The following KDM3A variants were observed in gnomAD, a reference collection of about 807,000 sequenced individuals.
KDM3A encodes the protein lysine-specific demethylase 3A.
KDM3A carries 60 observed loss-of-function variants against 158.0 expected under a neutral mutation model. The ratio of observed to expected loss-of-function variants is 0.38; its 90% CI spans 0.31 to 0.47. The LOEUF is 0.47. Among genes scored for constraint, KDM3A ranks in the 20% least tolerant of loss-of-function variants. The pLI is 0.99. For missense variants in KDM3A, 1,319 were observed against 1,574.3 expected (o/e 0.84, Z 2.74); for synonymous variants, 608 against 549.3 (o/e 1.11, Z -1.49).
rs79246798 is a variant in KDM3A, at chr2:86,477,806, C to T, written c.1940-71C>T. The stretch of plus-strand genomic sequence containing the variant: ...TAGTCACAGGGAGGAATGACAATAA[C>T]CCCTACCTTTCGTTTTTGGTTTCAG... On this transcript the variant is annotated intron_variant, in intron 12 of 25. Coordinates refer to ENST00000312912, the MANE Select transcript of KDM3A (RefSeq NM_018433.6). 450 of 1,422,044 alleles carry T rather than the reference C, an allele frequency of 3.2e-4. 4 individuals carry two copies. In the East Asian group the frequency reaches 9.6e-3, roughly 30 times the overall value. 88.1% of individuals were successfully genotyped at this position (1,422,044 alleles called of 1,614,324 possible).
chr2:86,477,777 AGTC>A (rs1673726898), intron 12 of KDM3A, 97 bp from the exon 13 acceptor site: 1 of 1,126,096 alleles, frequency 8.9e-7, no homozygotes, highest in Admixed American at 2.4e-5. Context: ...GTTAATTTGA[AGTC>A]TAGTCACAGG....
chr2:86,444,874 G>A (rs536323967), intron 2 of KDM3A, among the ~76,000 whole-genome samples: 2 of 152,274 alleles, frequency 1.3e-5, no homozygotes, highest in South Asian at 4.1e-4. Context: ...AAGAGAATAT[G>A]TCTAGTAGTT....
chr2:86,480,836 C>T (rs887068888), intron 16 of KDM3A, among the ~76,000 whole-genome samples: 2 of 152,126 alleles, frequency 1.3e-5, no homozygotes, highest in Non-Finnish European at 2.9e-5. Flanking sequence ...TTATACATAC[C>T]TTAGAAAGAG....
chr2:86,477,026 T>G (rs1276662356), intron 12 of KDM3A, among the ~76,000 whole-genome samples: 1 of 152,228 alleles, frequency 6.6e-6, no homozygotes, highest in African/African-American at 2.4e-5. Flanking sequence ...CCTTTGCTCA[T>G]ACTTCTGAAA....
At position 86,459,877 on chromosome 2, in the gene KDM3A, A is replaced by G. The variant is rs75889941; in HGVS notation, c.843+2806A>G. 3.1e-3 allele frequency among the ~76,000 whole-genome samples: 475 copies of G among 152,280 alleles called. 1 individual carries two copies. Among genetic ancestry groups the G allele is most frequent in the Middle Eastern group, 0.01 (3 of 294 alleles). On this transcript the variant is annotated intron_variant, in intron 8 of 25. Transcript: ENST00000312912. ...TAAGCCTGCACTTCAGCCTGGAGATAAGTTTCTTAACTTCTGCATCTAATA... is the reference window on the plus strand; with the variant it reads ...TAAGCCTGCACTTCAGCCTGGAGATGAGTTTCTTAACTTCTGCATCTAATA...
At chr2:86,460,362 A>G (rs1672876894) in intron 8 of KDM3A, among the ~76,000 whole-genome samples, 1 of 152,154 alleles carries the variant, frequency 6.6e-6, no homozygotes, top group African/African-American at 2.4e-5. Context: ...TTTTGGATAC[A>G]CTGGCCTGGC....
chr2:86,464,884 G>C (rs1340103645), intron 9 of KDM3A, among the ~76,000 whole-genome samples: 1 of 152,214 alleles, frequency 6.6e-6, no homozygotes, highest in Non-Finnish European at 1.5e-5. Flanking sequence ...AGAAAAGTAG[G>C]TTTGGAAGGT....
At chr2:86,475,083 C>T in intron 12 of KDM3A, 93 bp downstream of exon 12, 1 of 1,004,916 alleles carries the variant, frequency 1.0e-6, no homozygotes, top group Non-Finnish European at 1.5e-6. Flanking sequence ...GGTTTTTTTT[C>T]ACCCAGAAGT....
chr2:86,471,913 G>A (rs953211663), intron 11 of KDM3A, among the ~76,000 whole-genome samples: 6 of 152,068 alleles, frequency 3.9e-5, no homozygotes, highest in Non-Finnish European at 5.9e-5. Context: ...CCTTCCTCTC[G>A]AGAATTTTCT....
intron 21 of KDM3A, 80 bp downstream of exon 21, chr2:86,485,939 G>A (rs1484222401): frequency 4.8e-6 from 7 of 1,470,242 alleles, no homozygotes; most frequent in Non-Finnish European, 6.6e-6. Context: ...GGGAGGGAGA[G>A]GTGGAAAACA....
intron 11 of KDM3A, 53 bp from the exon 12 acceptor site, chr2:86,474,723 G>GTA: frequency 2.5e-6 from 2 of 790,646 alleles, no homozygotes; most frequent in Non-Finnish European, 4.4e-6. Context: ...GTGTGTGTGT[G>GTA]TGTGTGTGTG....
chr2:86,487,918 C>T (rs1243573911), intron 21 of KDM3A: 2 of 152,276 alleles, frequency 1.3e-5, no homozygotes, highest in African/African-American at 2.4e-5. Flanking sequence ...GTGGCACTGG[C>T]TGGATCAGCA....
At position 86,480,298 on chromosome 2, in the gene KDM3A, C is replaced by G; in HGVS notation, c.2448C>G (p.Ala816=). The G allele has an allele frequency of 8.1e-6, 13 of 1,614,122 alleles. No individual in the cohort carries two copies. Among genetic ancestry groups the G allele is most frequent in the African/African-American group, 1.3e-5 (1 of 75,040 alleles). Residue 816 remains alanine (A), a synonymous_variant, in exon 16 of 26, where the codon GCC becomes GCG. Coordinates refer to ENST00000312912, the MANE Select transcript of KDM3A (RefSeq NM_018433.6). ...GCAGCATGAAGCCTGCCTGTCCAGC[C>G]AGCACATCTCCTCTAAACTGGCTGG... ...PAGSMKPACP[A]STSPLNWLAD...
chr2:86,484,894 C>A (rs1674109015), intron 19 of KDM3A, 48 bp from the exon 20 acceptor site: 2 of 1,170,446 alleles, frequency 1.7e-6, no homozygotes, highest in African/African-American at 1.5e-5. Flanking sequence ...TTATTTTGGT[C>A]TGTTTCTGAA....
Position 86,484,967 on chromosome 2 carries a change from A to G in KDM3A, c.3120A>G (p.Pro1040=), listed in dbSNP as rs772434068. 4 of 1,607,782 alleles carry G rather than the reference A, an allele frequency of 2.5e-6. No individual in the cohort carries two copies. In the South Asian group the frequency reaches 4.4e-5, roughly 18 times the overall value. ...VPNRLKNEKE[P]MVLKLKDWPP... ...ATCGTTTGAAAAATGAAAAAGAACC[A>G]ATGGTGTTGAAACTTAAGGACTGGC... The change falls in exon 20 of 26, where the codon CCA becomes CCG. Residue 1040 remains proline (P), a synonymous_variant. Coordinates refer to ENST00000312912, the MANE Select transcript of KDM3A (RefSeq NM_018433.6).
chr2:86,464,560 G>C (rs182942759), intron 9 of KDM3A, among the ~76,000 whole-genome samples: 3 of 152,316 alleles, frequency 2.0e-5, no homozygotes, highest in Non-Finnish European at 4.4e-5. Context: ...GAAGCAGTGA[G>C]ACATGGTTAC....
In KDM3A at chr2:86,480,223, A is replaced by C; in HGVS notation, c.2373A>C (p.Ser791=). The C allele has an allele frequency of 6.2e-7, 1 of 1,613,630 alleles. No homozygotes were observed. The highest frequency in any genetic ancestry group is 8.5e-7 in the Non-Finnish European group (1 of 1,179,996). The change falls in exon 16 of 26, where the codon TCA becomes TCC. Residue 791 remains serine (S), a synonymous_variant. Coordinates refer to ENST00000312912, the MANE Select transcript of KDM3A (RefSeq NM_018433.6). ...GTGCAGTGCTCCAGCAGAATCCCTC[A>C]GTGTTGGAGCCAGCAGCTGTGGGTG... is the stretch of plus-strand genomic sequence containing the variant. ...TLGAVLQQNP[S]VLEPAAVGGE... is the part of the protein sequence containing the mutation.
At chr2:86,464,344 A>G in intron 9 of KDM3A, 128 bp downstream of exon 9, 2 of 613,278 alleles carry the variant, frequency 3.3e-6, no homozygotes, top group Non-Finnish European at 5.3e-6. Context: ...AGATGGATAG[A>G]TGCTTTTGAA....
chr2:86,489,631 C>T lies in KDM3A; in HGVS notation c.3545C>T (p.Thr1182Met), dbSNP rs764468821. 8.1e-6 allele frequency: 13 copies of T among 1,612,108 alleles called. No homozygotes were observed. Among genetic ancestry groups the T allele is most frequent in the South Asian group, 2.2e-5 (2 of 90,924 alleles). ...TGGCACATATATGCTGCAAAGGACA[C>T]GGAGAAGATAAGGGAATTTCTTAAA... Reference protein sequence around the residue: ...ALWHIYAAKDTEKIREFLKKV... With the variant: ...ALWHIYAAKDMEKIREFLKKV... The change falls in exon 23 of 26, where the codon ACG becomes ATG. Residue 1182 changes from threonine (T) to methionine (M), a missense_variant. Transcript: ENST00000312912.
Sources: allele counts gnomAD v4.1 joint callset (sites outside exome capture counted in the v4.1 genomes callset), GRCh38; gene constraint gnomAD v4.1.1; transcripts MANE v1.5; gene names NCBI Gene and HGNC (gene_info 2026-07-23, HGNC 2026-07-21).